BMPR2: variants seen among roughly 807,000 people sequenced by gnomAD.
The protein encoded by BMPR2 is bone morphogenetic protein receptor type 2, also known as bone morphogenetic protein receptor type-2.
In BMPR2, 29 loss-of-function variants were observed where a neutral mutation model predicts 100.8. The ratio of observed to expected loss-of-function variants is 0.29; its 90% CI spans 0.21 to 0.39. The LOEUF (loss-of-function observed/expected upper bound fraction) is 0.39. BMPR2 is among the 10% of genes least tolerant of loss of function. The probability of loss-of-function intolerance (pLI) is 1.00; values close to 1 mark genes in which losing one functional copy is unlikely to be tolerated. For synonymous variants in BMPR2, 382 were observed against 442.3 expected (o/e 0.86, Z 1.71); for missense variants, 1,011 against 1,274.5 (o/e 0.79, Z 3.15).
At chr2:202,471,350 A>C (rs1288040779) in intron 3 of BMPR2, among the ~76,000 whole-genome samples, 1 of 152,190 alleles carries the variant, frequency 6.6e-6, no homozygotes, top group Non-Finnish European at 1.5e-5. Flanking sequence ...TCCTAAATCT[A>C]GGGGCAGTTT....
At chr2:202,504,040 C>G (rs1260300307) in intron 3 of BMPR2, among the ~76,000 whole-genome samples, 1 of 152,128 alleles carries the variant, frequency 6.6e-6, no homozygotes, top group Non-Finnish European at 1.5e-5. Context: ...CACTCTGTAT[C>G]TAGCTAATCT....
At chr2:202,410,740 C>T (rs1015943305) in intron 1 of BMPR2, among the ~76,000 whole-genome samples, 9 of 151,962 alleles carry the variant, frequency 5.9e-5, no homozygotes, top group Admixed American at 1.3e-4. Context: ...CTGCCACGCC[C>T]GGCTAATTTT....
intron 3 of BMPR2, among the ~76,000 whole-genome samples, chr2:202,493,327 CAG>C (rs1458960211): frequency 6.6e-6 from 1 of 151,968 alleles, no homozygotes; most frequent in Non-Finnish European, 1.5e-5. Flanking sequence ...TATAGAGTAA[CAG>C]ACTCTGTTCT....
intron 10 of BMPR2, among the ~76,000 whole-genome samples, chr2:202,550,374 CAAAAAAAAAA>C: frequency 1.1e-5 from 1 of 94,260 alleles, no homozygotes; most frequent in Middle Eastern, 6.7e-3. Context: ...CTCCTATCTC[CAAAAAAAAAA>C]AAAAAAAAAA....
At chr2:202,465,757 G>A (rs1165998407) in intron 2 of BMPR2, among the ~76,000 whole-genome samples, 6 of 152,042 alleles carry the variant, frequency 3.9e-5, no homozygotes, top group Non-Finnish European at 1.5e-5. Context: ...ACAGGCTGAG[G>A]CAGGAGAATG....
intron 1 of BMPR2, among the ~76,000 whole-genome samples, chr2:202,392,818 C>A (rs1690576688): frequency 6.6e-6 from 1 of 151,488 alleles, no homozygotes; most frequent in Non-Finnish European, 1.5e-5. Flanking sequence ...CATGGAGAAA[C>A]CCCGTCTCTA....
chr2:202,464,846 T>C lies in BMPR2; in HGVS notation c.114T>C (p.Asp38=), dbSNP rs1304516739. The C allele has an allele frequency of 6.2e-7, 1 of 1,614,014 alleles. No homozygotes were observed. The highest frequency in any genetic ancestry group is 2.2e-5 in the East Asian group (1 of 44,870). ...QNQERLCAFK[D]PYQQDLGIGE... The stretch of plus-strand genomic sequence containing the variant: ...AAGAACGGCTATGTGCGTTTAAAGA[T>C]CCGTATCAGCAAGACCTTGGGATAG... The change falls in exon 2 of 13, where the codon GAT becomes GAC. Residue 38 remains aspartate (D), a synonymous_variant. Transcript: ENST00000374580.
chr2:202,558,584 C>CTT (rs1386203117), intron 12 of BMPR2, among the ~76,000 whole-genome samples: 3 of 152,136 alleles, frequency 2.0e-5, no homozygotes. Context: ...TTGCAGGGCT[C>CTT]TGAGTCAGTA....
intron 1 of BMPR2, among the ~76,000 whole-genome samples, chr2:202,434,201 G>T (rs1691562026): frequency 6.6e-6 from 1 of 150,464 alleles, no homozygotes; most frequent in South Asian, 2.1e-4. Flanking sequence ...TTAAACAAAT[G>T]GGATCAAGAT....
intron 3 of BMPR2, chr2:202,475,095 T>G (rs1233982216): frequency 1.3e-5 from 2 of 152,222 alleles, no homozygotes; most frequent in Non-Finnish European, 2.9e-5. Flanking sequence ...TCCTGCCTTT[T>G]TGTTTAACAT....
At chr2:202,507,496 C>T (rs914774053) in intron 3 of BMPR2, among the ~76,000 whole-genome samples, 7 of 152,112 alleles carry the variant, frequency 4.6e-5, no homozygotes, top group African/African-American at 1.4e-4. Context: ...CATGAGCAGT[C>T]CTCCTGCCTC....
At chr2:202,486,482 A>T (rs910947454) in intron 3 of BMPR2, among the ~76,000 whole-genome samples, 1 of 151,996 alleles carries the variant, frequency 6.6e-6, no homozygotes, top group Non-Finnish European at 1.5e-5. Flanking sequence ...ATACAAAAAA[A>T]CTTAGCCTGC....
At chr2:202,484,149 T>A (rs967238690) in intron 3 of BMPR2, among the ~76,000 whole-genome samples, 6 of 152,188 alleles carry the variant, frequency 3.9e-5, no homozygotes, top group African/African-American at 1.4e-4. Context: ...TAAGCTATGG[T>A]AAAGTCAAAA....
At chr2:202,423,872 T>C (rs1454875975) in intron 1 of BMPR2, among the ~76,000 whole-genome samples, 1 of 151,932 alleles carries the variant, frequency 6.6e-6, no homozygotes, top group Non-Finnish European at 1.5e-5. Context: ...CTGACCAACA[T>C]GGCGAAACCC....
At chr2:202,420,498 A>G (rs933519546) in intron 1 of BMPR2, among the ~76,000 whole-genome samples, 1 of 148,530 alleles carries the variant, frequency 6.7e-6, no homozygotes, top group Non-Finnish European at 1.5e-5. Context: ...ATAACCCTAT[A>G]CGTCCTGTCT....
At chr2:202,473,872 C>T (rs149507570) in intron 3 of BMPR2, among the ~76,000 whole-genome samples, 2,076 of 151,966 alleles carry the variant, frequency 0.014, 31 homozygotes, top group Admixed American at 0.023. Context: ...GTTGGGAGGC[C>T]GAGGCAGGCG....
chr2:202,513,601 C>T (rs540573786), intron 3 of BMPR2, 118 bp from the exon 4 acceptor site: 7 of 672,306 alleles, frequency 1.0e-5, no homozygotes, highest in South Asian at 9.1e-5. Flanking sequence ...TCCTTTGATG[C>T]AAAAACATTA....
chr2:202,403,261 G>A (rs865803227), intron 1 of BMPR2, among the ~76,000 whole-genome samples: 6 of 139,508 alleles, frequency 4.3e-5, no homozygotes, highest in Admixed American at 7.7e-5. Flanking sequence ...GTGCAGTGGC[G>A]TCATCTTGGC....
At chr2:202,422,730 G>A (rs1691293860) in intron 1 of BMPR2, among the ~76,000 whole-genome samples, 1 of 152,156 alleles carries the variant, frequency 6.6e-6, no homozygotes, top group African/African-American at 2.4e-5. Context: ...AGGCTGGAGT[G>A]CAGTGGCATG....
Sources: gnomAD v4.1 joint callset for allele counts (sites outside exome capture counted in the v4.1 genomes callset) on GRCh38, gnomAD v4.1.1 for gene constraint, MANE v1.5 for transcripts, NCBI Gene and HGNC (gene_info 2026-07-23, HGNC 2026-07-21) for gene names.